Variants in DNAH10 observed in about 807,000 individuals in gnomAD.
DNAH10 encodes the protein axonemal beta dynein heavy chain 10.
A neutral mutation model predicts 506.6 loss-of-function variants in DNAH10; 348 were observed. That is an observed-to-expected ratio of 0.69 (90% confidence interval 0.63 to 0.75). DNAH10 has a LOEUF of 0.75. Among genes scored for constraint, DNAH10 ranks in the 30% least tolerant of loss-of-function variants. The probability of loss-of-function intolerance (pLI) is 0.00; values close to 1 mark genes in which losing one functional copy is unlikely to be tolerated. For missense variants in DNAH10, 5,179 were observed against 5,787.1 expected (o/e 0.89, Z 3.41); for synonymous variants, 2,059 against 2,198.6 (o/e 0.94, Z 1.78).
chr12:123,898,922 C>A, intron 56 of DNAH10, 108 bp downstream of exon 56: 1 of 1,418,804 alleles, frequency 7.0e-7, no homozygotes, highest in Non-Finnish European at 9.3e-7. Context: ...AGGGCTCTGC[C>A]AGGCCGTCCC....
In DNAH10 at chr12:123,791,611, C is replaced by T. The variant is rs113031020; in HGVS notation, c.1815+1490C>T. Among the ~76,000 whole-genome samples the T allele has an allele frequency of 7.1e-3, 1,077 of 152,122 alleles. 20 individuals carry two copies. The highest frequency in any genetic ancestry group is 0.024 in the African/African-American group (1,001 of 41,498). The stretch of plus-strand genomic sequence containing the variant: ...TATTTTTTAGGGACAGGGTCTTGCT[C>T]TGTTGCTCAGGCTAAAGTGCAGTGG... On this transcript the variant is annotated intron_variant, in intron 11 of 78. Transcript: ENST00000673944.
At chr12:123,923,249 C>T (rs1954806600) in intron 65 of DNAH10, 1 of 152,284 alleles carries the variant, frequency 6.6e-6, no homozygotes, top group African/African-American at 2.4e-5. Context: ...GGAACAGGGC[C>T]ATATCCATTT....
At chr12:123,884,692 G>A (rs1351986617) in intron 51 of DNAH10, among the ~76,000 whole-genome samples, 3 of 152,132 alleles carry the variant, frequency 2.0e-5, no homozygotes, top group Non-Finnish European at 2.9e-5. Flanking sequence ...TTCAACAAAG[G>A]AATTTTGTGT....
rs369037973 is a variant in DNAH10, at chr12:123,861,114, G to A, written c.6852G>A (p.Gly2284=). Residue 2284 remains glycine, a synonymous_variant, in exon 39 of 79, where the codon GGG becomes GGA. Coordinates refer to ENST00000673944, the MANE Select transcript of DNAH10 (RefSeq NM_001372106.1). ...LDPTTRDWTD[G]VLSNIFREIN... ...CAACCACCCGAGACTGGACAGATGG[G>A]GTGTTGTCAAACATCTTCAGGGAAA... The A allele has an allele frequency of 5.8e-5, 93 of 1,613,748 alleles. No individual in the cohort carries two copies. Among genetic ancestry groups the A allele is most frequent in the Middle Eastern group, 4.9e-4 (3 of 6,084 alleles).
chr12:123,765,663 C>A (rs1957011334), intron 1 of DNAH10, among the ~76,000 whole-genome samples: 1 of 151,830 alleles, frequency 6.6e-6, no homozygotes, highest in African/African-American at 2.4e-5. Context: ...ATACATCTAT[C>A]TCTCTCTATT....
At chr12:123,879,467 G>T (rs916070021) in intron 49 of DNAH10, 110 bp downstream of exon 49, 1 of 1,448,512 alleles carries the variant, frequency 6.9e-7, no homozygotes, top group Non-Finnish European at 9.4e-7. Flanking sequence ...GGCACGAAAG[G>T]TCAATGGGGC....
rs754135902 is a variant in DNAH10, at chr12:123,931,657, G to A, written c.12938G>A (p.Ser4313Asn). Residue 4313 changes from serine (S) to asparagine (N), a missense_variant, in exon 75 of 79, where the codon AGC becomes AAC. This residue lies in a region of DNAH10 where 4,844 missense variants were observed against 5,430.5 expected (regional missense o/e 0.89). Coordinates refer to ENST00000673944, the MANE Select transcript of DNAH10 (RefSeq NM_001372106.1). Reference protein sequence around the residue: ...PQTGESSSGISRDDYIGQVAK... With the variant: ...PQTGESSSGINRDDYIGQVAK... ...TTAGGGGAATCCAGCAGTGGTATCA[G>A]CCGCGATGATTATATTGGCCAAGTG... The A allele has an allele frequency of 1.2e-6, 2 of 1,614,032 alleles. No homozygotes were observed. The highest frequency in any genetic ancestry group is 1.7e-6 in the Non-Finnish European group (2 of 1,179,912).
In DNAH10 at chr12:123,928,680, T is replaced by A; in HGVS notation, c.12306+93T>A. Reference sequence around the variant, plus strand: ...GGGCCGGGGTGTGCCTTTGTCTGTGTAGAAATAAACCTTAGGCTGCAGGTG... The same window carrying A: ...GGGCCGGGGTGTGCCTTTGTCTGTGAAGAAATAAACCTTAGGCTGCAGGTG... On this transcript the variant is annotated intron_variant, in intron 70 of 78. Coordinates refer to ENST00000673944, the MANE Select transcript of DNAH10 (RefSeq NM_001372106.1). The surrounding 1 kb of genome is among the most constrained non-coding windows in gnomAD (Gnocchi z 4.9). 7.2e-7 allele frequency: 1 copy of A among 1,393,474 alleles called. No individual in the cohort carries two copies. Among genetic ancestry groups the A allele is most frequent in the Non-Finnish European group, 9.6e-7 (1 of 1,036,716 alleles). 86.3% of individuals were successfully genotyped at this position (1,393,474 alleles called of 1,614,324 possible). A position where few individuals can be genotyped will look rare whatever the true frequency, so the allele number is the denominator to read the frequency against.
At chr12:123,804,547 C>T (rs1168478259) in intron 17 of DNAH10, among the ~76,000 whole-genome samples, 1 of 150,880 alleles carries the variant, frequency 6.6e-6, no homozygotes, top group Admixed American at 6.6e-5. Context: ...AAAAAAGATA[C>T]TTTAAGTGGT....
chr12:123,787,054 G>A lies in DNAH10; in HGVS notation c.1422-750G>A, dbSNP rs990373155. 2.6e-5 allele frequency among the ~76,000 whole-genome samples: 4 copies of A among 152,200 alleles called. No individual in the cohort carries two copies. The highest frequency in any genetic ancestry group is 4.8e-5 in the African/African-American group (2 of 41,516). ...CTCAGGAGGCTGAGGCAGGAGAATC[G>A]CTTGAACCCAGGAAGTGGAGGTTGC... On this transcript the variant is annotated intron_variant, in intron 9 of 78. Coordinates refer to ENST00000673944, the MANE Select transcript of DNAH10 (RefSeq NM_001372106.1). The surrounding 1 kb of genome is among the most constrained non-coding windows in gnomAD (Gnocchi z 4.6).
At chr12:123,792,500 C>T (rs532326394) in intron 11 of DNAH10, among the ~76,000 whole-genome samples, 7 of 145,390 alleles carry the variant, frequency 4.8e-5, no homozygotes, top group African/African-American at 1.8e-4. Flanking sequence ...GCTCTTGTTG[C>T]CCAGGCTGGA....
chr12:123,904,082 G>C (rs1192908644), intron 57 of DNAH10, among the ~76,000 whole-genome samples: 1 of 152,164 alleles, frequency 6.6e-6, no homozygotes, highest in Non-Finnish European at 1.5e-5. Context: ...CCGTGCCCTT[G>C]TTTTCTTATT....
At chr12:123,800,784 C>T (rs746279251) in intron 15 of DNAH10, among the ~76,000 whole-genome samples, 15 of 151,914 alleles carry the variant, frequency 9.9e-5, no homozygotes, top group Admixed American at 3.3e-4. Context: ...TTTGGGAGGC[C>T]GAGGCGGGCA....
chr12:123,868,182 G>T, intron 43 of DNAH10, 63 bp downstream of exon 43: 1 of 1,381,614 alleles, frequency 7.2e-7, no homozygotes. Flanking sequence ...TCTAGAGGAA[G>T]TGAATGAGCT....
chr12:123,824,354 C>T (rs577863198), intron 24 of DNAH10, among the ~76,000 whole-genome samples: 39 of 152,210 alleles, frequency 2.6e-4, no homozygotes, highest in Non-Finnish European at 4.9e-4. Context: ...GTCTGCTGGA[C>T]GTTCCTGTGG....
intron 72 of DNAH10, 141 bp from the exon 73 acceptor site, chr12:123,930,261 A>T: frequency 1.3e-6 from 1 of 745,644 alleles, no homozygotes; most frequent in Non-Finnish European, 2.0e-6. Context: ...CCGAAAGGTT[A>T]TGCAAGTCAA....
At position 123,870,456 on chromosome 12, in the gene DNAH10, C is replaced by T. The variant is rs781313776; in HGVS notation, c.7610C>T (p.Ala2537Val). Residue 2537 changes from alanine to valine, a missense_variant, in exon 44 of 79, where the codon GCC (alanine) becomes GTC (valine). Physicochemically the swap from Ala to Val is moderately conservative, Grantham distance 64. Coordinates refer to ENST00000673944, the MANE Select transcript of DNAH10 (RefSeq NM_001372106.1). ...AAATTAGTTCCAGAGTATATTCATG[C>T]CCCCGAGAGGAAATTCATCAACATC... ...WSKLVPEYIH[A>V]PERKFINILV... The T allele has an allele frequency of 2.2e-5, 36 of 1,613,468 alleles. No individual in the cohort carries two copies. Among genetic ancestry groups the T allele is most frequent in the Non-Finnish European group, 3.1e-5 (36 of 1,179,828 alleles).
chr12:123,918,853 T>A lies in DNAH10; in HGVS notation c.11410T>A (p.Ser3804Thr). The A allele has an allele frequency of 6.2e-7, 1 of 1,613,930 alleles. No homozygotes were observed. Among genetic ancestry groups the A allele is most frequent in the Non-Finnish European group, 8.5e-7 (1 of 1,179,880 alleles). Residue 3804 changes from serine to threonine, a missense_variant, in exon 65 of 79, where the codon TCA becomes ACA. Physicochemically the swap from Ser to Thr is moderately conservative, Grantham distance 58. Coordinates refer to ENST00000673944, the MANE Select transcript of DNAH10 (RefSeq NM_001372106.1). ...TGCCTTCTTAGAGGTCTTCAGGCTG[T>A]CACTGAAGAAGTCGCTGCCTGATTC... ...LIAFLEVFRL[S>T]LKKSLPDSIL...
rs775954347 is a variant in DNAH10 at position 123,813,810 on chromosome 12, C to G, written c.3678C>G (p.Val1226=). The change falls in exon 21 of 79, where the codon GTC becomes GTG. Residue 1226 remains valine, a synonymous_variant. Transcript: ENST00000673944. ...ATACCCTTGAAGATCTCAAGTTTGT[C>G]CTTGCAACAATTGCAGAAATTAGAA... ...IPNTLEDLKF[V]LATIAEIRSK... 75 of 1,613,050 alleles carry G rather than the reference C, an allele frequency of 4.6e-5. No individual in the cohort carries two copies. The highest frequency in any genetic ancestry group is 3.8e-4 in the East Asian group (17 of 44,898).
Sources: gnomAD v4.1 joint callset for allele counts (sites outside exome capture counted in the v4.1 genomes callset) on GRCh38, gnomAD v4.1.1 for gene constraint, gnomAD v4.1.1 regional missense constraint, Gnocchi (gnomAD v3.1) non-coding constraint, MANE v1.5 for transcripts, NCBI Gene and HGNC (gene_info 2026-07-23, HGNC 2026-07-21) for gene names.